PPP1R16B: variants seen among roughly 807,000 people sequenced by gnomAD.
The protein encoded by PPP1R16B is protein phosphatase 1 regulatory inhibitor subunit 16B.
Under a neutral mutation model 61.7 loss-of-function variants are expected in PPP1R16B, and 14 were observed. The observed-to-expected ratio is 0.23, with a 90% CI of 0.15 to 0.35. The LOEUF (loss-of-function observed/expected upper bound fraction) is 0.35. Among genes scored for constraint, PPP1R16B ranks in the 10% least tolerant of loss-of-function variants. The pLI is 1.00. For synonymous variants in PPP1R16B, 266 were observed against 305.3 expected (o/e 0.87, Z 1.34); for missense variants, 547 against 752.5 (o/e 0.73, Z 3.19).
At chr20:38,868,446 G>A (rs771587736) in intron 2 of PPP1R16B, among the ~76,000 whole-genome samples, 8 of 151,332 alleles carry the variant, frequency 5.3e-5, no homozygotes, top group Admixed American at 1.3e-4. Flanking sequence ...GTGCAGTGGC[G>A]TGATCTCAGC....
chr20:38,850,696 G>T (rs2084962314), intron 2 of PPP1R16B, among the ~76,000 whole-genome samples: 1 of 152,184 alleles, frequency 6.6e-6, no homozygotes, highest in African/African-American at 2.4e-5. Flanking sequence ...GCCCAGCGTG[G>T]TGCTCACGCC....
At chr20:38,835,404 C>T (rs2084862848) in intron 1 of PPP1R16B, among the ~76,000 whole-genome samples, 1 of 152,158 alleles carries the variant, frequency 6.6e-6, no homozygotes, top group Non-Finnish European at 1.5e-5. Flanking sequence ...TGACTCTATA[C>T]AAGAAAACTA....
intron 2 of PPP1R16B, among the ~76,000 whole-genome samples, chr20:38,841,353 GAAAAAAAAAA>G (rs34203271): frequency 0.035 from 1,495 of 42,566 alleles, 47 homozygotes; most frequent in East Asian, 0.24. Context: ...TGTCTGTACT[GAAAAAAAAAA>G]AAAAAAAAAA....
chr20:38,824,551 A>G (rs6065094), intron 1 of PPP1R16B, among the ~76,000 whole-genome samples: 106,586 of 152,120 alleles, frequency 0.7, 37,567 homozygotes, highest in African/African-American at 0.78. Context: ...GTTCCATCCC[A>G]CACTGGCTAT....
chr20:38,841,471 T>C lies in PPP1R16B; in HGVS notation c.250+5296T>C, dbSNP rs138692918. On this transcript the variant is annotated intron_variant, in intron 2 of 10. Coordinates refer to ENST00000299824, the MANE Select transcript of PPP1R16B (RefSeq NM_015568.4). ...TGAATCCGGGAGGTTAAATCTGCAG[T>C]GAGCCATGATTGAACCACTGCACTC... Among the ~76,000 whole-genome samples, 1,495 of 150,766 alleles carry C rather than the reference T, an allele frequency of 9.9e-3. 8 individuals are homozygous for C. The highest frequency in any genetic ancestry group is 0.015 in the Non-Finnish European group (1,041 of 67,878).
intron 2 of PPP1R16B, among the ~76,000 whole-genome samples, chr20:38,847,222 C>T (rs927445352): frequency 1.3e-4 from 20 of 152,128 alleles, no homozygotes; most frequent in African/African-American, 4.8e-4. Context: ...TGAAAACACA[C>T]CTTTGCTGAT....
chr20:38,868,039 C>A (rs368562057), intron 2 of PPP1R16B, among the ~76,000 whole-genome samples: 2 of 152,148 alleles, frequency 1.3e-5, no homozygotes, highest in African/African-American at 4.8e-5. Context: ...GTGCTGAGGC[C>A]GTGCCTGGGC....
chr20:38,837,807 C>T (rs2084882609), intron 2 of PPP1R16B, among the ~76,000 whole-genome samples: 1 of 152,170 alleles, frequency 6.6e-6, no homozygotes, highest in Non-Finnish European at 1.5e-5. Flanking sequence ...CTTGGCCTCC[C>T]AAAATGCTGG....
chr20:38,876,126 C>T (rs1207704286), intron 2 of PPP1R16B, among the ~76,000 whole-genome samples: 1 of 152,050 alleles, frequency 6.6e-6, no homozygotes, highest in Non-Finnish European at 1.5e-5. Context: ...GTGCCTACCA[C>T]CATGCCCAGC....
At chr20:38,835,545 A>G (rs1468196214) in intron 1 of PPP1R16B, among the ~76,000 whole-genome samples, 1 of 152,246 alleles carries the variant, frequency 6.6e-6, no homozygotes, top group African/African-American at 2.4e-5. Flanking sequence ...GCGATTGTGC[A>G]CTTGAAATGT....
At chr20:38,858,115 C>G (rs896741638) in intron 2 of PPP1R16B, among the ~76,000 whole-genome samples, 1 of 152,048 alleles carries the variant, frequency 6.6e-6, no homozygotes, top group African/African-American at 2.4e-5. Context: ...TTTAAGGACA[C>G]TAATCCCATC....
chr20:38,857,192 A>G (rs561870081), intron 2 of PPP1R16B, among the ~76,000 whole-genome samples: 56 of 152,174 alleles, frequency 3.7e-4, no homozygotes, highest in Non-Finnish European at 6.9e-4. Context: ...TCCATTATCT[A>G]TATAGAATGA....
Position 38,908,132 on chromosome 20 carries a change from G to A in PPP1R16B, c.1133G>A (p.Arg378Gln), listed in dbSNP as rs774557229. 53 of 1,614,106 alleles carry A rather than the reference G, an allele frequency of 3.3e-5. No homozygotes were observed. The highest frequency in any genetic ancestry group is 5.0e-5 in the Admixed American group (3 of 60,008). Residue 378 changes from arginine to glutamine, a missense_variant, in exon 10 of 11, where the codon CGG becomes CAG. Coordinates refer to ENST00000299824, the MANE Select transcript of PPP1R16B (RefSeq NM_015568.4). ...LWQRSAAEDQ[R>Q]TSTYNGDIRE... ...CAGCGGAGTGCAGCTGAGGATCAGC[G>A]GACCTCCACCTACAACGGGGACATC...
chr20:38,917,025 G>A (rs1044820661), intron 10 of PPP1R16B, among the ~76,000 whole-genome samples: 2 of 151,998 alleles, frequency 1.3e-5, no homozygotes, highest in African/African-American at 4.8e-5. Flanking sequence ...GGCTGGGTGC[G>A]GTGGCTCATG....
intron 1 of PPP1R16B, among the ~76,000 whole-genome samples, chr20:38,808,326 C>T (rs1241949280): frequency 6.6e-6 from 1 of 152,230 alleles, no homozygotes; most frequent in Non-Finnish European, 1.5e-5. Context: ...AATTCAGGTG[C>T]TGTGCTTGGA....
intron 2 of PPP1R16B, among the ~76,000 whole-genome samples, chr20:38,868,700 A>G (rs1392576759): frequency 1.3e-5 from 2 of 152,164 alleles, no homozygotes; most frequent in African/African-American, 2.4e-5. Flanking sequence ...ATTGACATTG[A>G]TACGGTTCAC....
chr20:38,842,957 ATTG>A (rs1460387392), intron 2 of PPP1R16B, among the ~76,000 whole-genome samples: 2 of 152,212 alleles, frequency 1.3e-5, no homozygotes, highest in East Asian at 1.9e-4. Context: ...ATATTTTGGT[ATTG>A]TTGTGTCAGG....
intron 2 of PPP1R16B, among the ~76,000 whole-genome samples, chr20:38,863,551 T>G (rs1262759183): frequency 6.6e-6 from 1 of 152,250 alleles, no homozygotes; most frequent in Non-Finnish European, 1.5e-5. Flanking sequence ...CTTTCCAGGT[T>G]CCTGTTCTGG....
At chr20:38,807,531 TCATAAAA>T in intron 1 of PPP1R16B, among the ~76,000 whole-genome samples, 1 of 151,962 alleles carries the variant, frequency 6.6e-6, no homozygotes, top group Admixed American at 6.5e-5. Context: ...CCCAGCTCTG[TCATAAAA>T]AGCCAGCTTG....
Sources: gnomAD v4.1 joint callset for allele counts (sites outside exome capture counted in the v4.1 genomes callset) on GRCh38, gnomAD v4.1.1 for gene constraint, MANE v1.5 for transcripts, NCBI Gene and HGNC (gene_info 2026-07-23, HGNC 2026-07-21) for gene names.